ADK: variants seen among roughly 807,000 people sequenced by gnomAD.
ADK encodes adenosine kinase.
In ADK, 24 loss-of-function variants were observed where a neutral mutation model predicts 44.7. The observed-to-expected ratio is 0.54, with a 90% CI of 0.39 to 0.76. The LOEUF (loss-of-function observed/expected upper bound fraction) is 0.76. ADK is among the 30% of genes least tolerant of loss of function. The pLI is 0.00. For synonymous variants in ADK, 128 were observed against 142.6 expected (o/e 0.90, Z 0.73); for missense variants, 321 against 425.1 (o/e 0.76, Z 2.15).
intron 6 of ADK, among the ~76,000 whole-genome samples, chr10:74,448,238 G>A (rs1592228246): frequency 2.0e-5 from 3 of 151,882 alleles, no homozygotes; most frequent in Non-Finnish European, 4.4e-5. Context: ...AGGGTCTCTT[G>A]AGCCCAGGAG....
intron 9 of ADK, among the ~76,000 whole-genome samples, chr10:74,665,715 G>A (rs58765588): frequency 0.25 from 36,071 of 144,514 alleles, 5,571 homozygotes; most frequent in East Asian, 0.7. Context: ...AGCCTGGGAG[G>A]CAGAGTGAGA....
intron 4 of ADK, among the ~76,000 whole-genome samples, chr10:74,382,286 A>G (rs923960604): frequency 1.3e-5 from 2 of 151,962 alleles, no homozygotes; most frequent in Admixed American, 6.6e-5. Flanking sequence ...TTTTCTAGAG[A>G]TGGGGTTTTA....
intron 1 of ADK, among the ~76,000 whole-genome samples, chr10:74,190,145 G>C (rs1435161435): frequency 6.6e-6 from 1 of 152,166 alleles, no homozygotes; most frequent in African/African-American, 2.4e-5. Context: ...TTTACTTTTT[G>C]AGCAACTGCC....
intron 8 of ADK, among the ~76,000 whole-genome samples, chr10:74,591,965 A>G (rs1851738565): frequency 6.6e-6 from 1 of 151,946 alleles, no homozygotes; most frequent in African/African-American, 2.4e-5. Flanking sequence ...TCGTCAGGAA[A>G]TATTCTCAGT....
intron 1 of ADK, among the ~76,000 whole-genome samples, chr10:74,188,808 T>C (rs1842858495): frequency 6.6e-6 from 1 of 152,174 alleles, no homozygotes; most frequent in African/African-American, 2.4e-5. Flanking sequence ...AGTCTTGCTC[T>C]GTTGCCCAGG....
intron 9 of ADK, among the ~76,000 whole-genome samples, chr10:74,660,663 G>A (rs1854677424): frequency 6.7e-6 from 1 of 148,162 alleles, no homozygotes; most frequent in Non-Finnish European, 1.5e-5. Flanking sequence ...CAGGGAAGTT[G>A]AGGTTGCAGT....
intron 9 of ADK, among the ~76,000 whole-genome samples, chr10:74,663,674 TTATTA>T (rs2134176426): frequency 6.6e-6 from 1 of 152,292 alleles, no homozygotes; most frequent in South Asian, 2.1e-4. Context: ...TCATGGCATA[TTATTA>T]TATTAACACA....
intron 3 of ADK, among the ~76,000 whole-genome samples, chr10:74,258,839 A>T (rs2132362524): frequency 6.6e-6 from 1 of 151,792 alleles, no homozygotes; most frequent in East Asian, 1.9e-4. Context: ...TTAAATTGTT[A>T]TTCATGTTAC....
chr10:74,425,623 C>T (rs1356186241), intron 6 of ADK, among the ~76,000 whole-genome samples: 2 of 152,086 alleles, frequency 1.3e-5, no homozygotes, highest in Non-Finnish European at 2.9e-5. Flanking sequence ...AAGATATGTA[C>T]AGTTAGCTTT....
chr10:74,253,242 G>A (rs751373178), intron 3 of ADK, among the ~76,000 whole-genome samples: 49 of 152,374 alleles, frequency 3.2e-4, no homozygotes, highest in East Asian at 7.7e-4. Flanking sequence ...GGGCTACCCC[G>A]TAGGCAGAGA....
Position 74,532,344 on chromosome 10 carries a change from G to T in ADK, c.726+6918G>T, listed in dbSNP as rs570177122. On this transcript the variant is annotated intron_variant, in intron 7 of 10. Coordinates refer to ENST00000539909, the MANE Select transcript of ADK (RefSeq NM_006721.4). ...AATACACAAAATAGCAGGGCATGTT[G>T]GTGGGCACCTGTAATTCCAGCTACT... Among the ~76,000 whole-genome samples, 6 of 152,130 alleles carry T rather than the reference G, an allele frequency of 3.9e-5. No individual in the cohort carries two copies. In the East Asian group the frequency reaches 1.2e-3, roughly 29 times the overall value.
At chr10:74,628,940 A>C (rs1853317133) in intron 9 of ADK, among the ~76,000 whole-genome samples, 1 of 152,178 alleles carries the variant, frequency 6.6e-6, no homozygotes, top group Admixed American at 6.5e-5. Flanking sequence ...TCCTAGGATT[A>C]GTGCAGAATA....
chr10:74,571,701 G>A lies in ADK; in HGVS notation c.727-17581G>A, dbSNP rs1564798311. Among the ~76,000 whole-genome samples, 3 of 152,016 alleles carry A rather than the reference G, an allele frequency of 2.0e-5. No individual in the cohort carries two copies. The South Asian group carries it at 6.2e-4, about 32-fold the overall frequency. ...TTTTTCTTTATTAGTCTTGCTAGCG[G>A]TCTATCAATTTTGTTGATCCTTTCA... On this transcript the variant is annotated intron_variant, in intron 7 of 10. Coordinates refer to ENST00000539909, the MANE Select transcript of ADK (RefSeq NM_006721.4).
intron 3 of ADK, among the ~76,000 whole-genome samples, chr10:74,277,406 G>GT (rs1028544688): frequency 2.2e-4 from 3 of 13,614 alleles, no homozygotes; most frequent in South Asian, 3.4e-3. Context: ...GTTTTGTTTT[G>GT]TTTTTTTGAG....
intron 6 of ADK, among the ~76,000 whole-genome samples, chr10:74,403,589 C>T (rs1314390138): frequency 6.6e-6 from 1 of 152,170 alleles, no homozygotes; most frequent in Non-Finnish European, 1.5e-5. Flanking sequence ...TTGCTAAGGC[C>T]ATTGGAAAAG....
intron 4 of ADK, among the ~76,000 whole-genome samples, chr10:74,352,529 C>G (rs984486426): frequency 6.6e-6 from 1 of 152,168 alleles, no homozygotes; most frequent in Non-Finnish European, 1.5e-5. Flanking sequence ...GACTTCATGA[C>G]TAAAACACCC....
intron 8 of ADK, among the ~76,000 whole-genome samples, chr10:74,594,581 G>A (rs1851832337): frequency 6.7e-6 from 1 of 150,320 alleles, no homozygotes; most frequent in African/African-American, 2.5e-5. Flanking sequence ...ATGATAAAAA[G>A]GCAGAAATTC....
At chr10:74,444,692 C>A (rs1207108830) in intron 6 of ADK, among the ~76,000 whole-genome samples, 1 of 151,866 alleles carries the variant, frequency 6.6e-6, no homozygotes, top group African/African-American at 2.4e-5. Flanking sequence ...TTTAATAAAG[C>A]CATTTCTTTT....
At chr10:74,319,059 A>G (rs1840725842) in intron 4 of ADK, among the ~76,000 whole-genome samples, 1 of 152,236 alleles carries the variant, frequency 6.6e-6, no homozygotes, top group African/African-American at 2.4e-5. Flanking sequence ...TCAAGTATAG[A>G]AAGGAAACAT....
Sources: allele counts gnomAD v4.1 joint callset (sites outside exome capture counted in the v4.1 genomes callset), GRCh38; gene constraint gnomAD v4.1.1; transcripts MANE v1.5; gene names NCBI Gene and HGNC (gene_info 2026-07-23, HGNC 2026-07-21).